The following SVOPL variants were observed in gnomAD, a reference collection of about 807,000 sequenced individuals.
SVOPL encodes the protein putative transporter SVOPL.
Under a neutral mutation model 61.0 loss-of-function variants are expected in SVOPL, and 60 were observed. That is an observed-to-expected ratio of 0.98 (90% CI 0.80 to 1.22). SVOPL has a LOEUF of 1.22. Ranked by LOEUF, SVOPL falls within the 50% of genes most tolerant of loss-of-function variation. The pLI is 0.00. For synonymous variants in SVOPL, 279 were observed against 250.0 expected (o/e 1.12, Z -1.09); for missense variants, 662 against 643.9 (o/e 1.03, Z -0.30).
chr7:138,649,080 T>C lies in SVOPL; in HGVS notation c.592A>G (p.Thr198Ala). The C allele has an allele frequency of 6.2e-7, 1 of 1,612,908 alleles. No individual in the cohort carries two copies. Among genetic ancestry groups the C allele is most frequent in the South Asian group, 1.1e-5 (1 of 91,008 alleles). Residue 198 changes from threonine (T) to alanine (A), a missense_variant, in exon 8 of 16, where the codon ACC (threonine) becomes GCC (alanine). Physicochemically the swap from Thr to Ala is moderately conservative, Grantham distance 58 (BLOSUM62 0). Transcript: ENST00000674285. ...IIGLASVIIP[T>A]IGWRWLIRVA... ...CGAATGAGCCAGCGCCACCCGATGG[T>C]GGGGATGATCACAGAGGCCAAGCCA...
intron 13 of SVOPL, 22 bp downstream of exon 13, chr7:138,625,947 C>A (rs377370896): frequency 7.6e-5 from 123 of 1,613,444 alleles, no homozygotes; most frequent in Non-Finnish European, 9.7e-5. Context: ...CCTTTGTAAG[C>A]AAGCCTTGCA....
intron 1 of SVOPL, among the ~76,000 whole-genome samples, chr7:138,683,666 G>A (rs985017237): frequency 6.6e-6 from 1 of 152,132 alleles, no homozygotes; most frequent in African/African-American, 2.4e-5. Context: ...ACTGTGCCTG[G>A]CAGTTGTGAG....
rs186629873 is a variant in SVOPL, at chr7:138,599,625, T to C, written c.1354-3095A>G. Among the ~76,000 whole-genome samples, 473 of 152,248 alleles carry C rather than the reference T, an allele frequency of 3.1e-3. 2 individuals are homozygous for C. The highest frequency in any genetic ancestry group is 0.01 in the African/African-American group (421 of 41,538). On this transcript the variant is annotated intron_variant, in intron 14 of 15. Transcript: ENST00000674285. ...TCAATTTGCCAGGCGTGGTGGCTCA[T>C]GCCTGTAATCCCAGCACTTTGGGAG...
rs114714868 is a variant in SVOPL at position 138,629,524 on chromosome 7, G to C, written c.863+525C>G. 5.8e-3 allele frequency among the ~76,000 whole-genome samples: 884 copies of C among 152,248 alleles called. 11 individuals carry two copies. The highest frequency in any genetic ancestry group is 0.02 in the African/African-American group (834 of 41,526). ...CTCAAAGTGCTGGGATTATAGGCGT[G>C]AGCCACCGTACCCGGCCTTCTTCAT... On this transcript the variant is annotated intron_variant, in intron 10 of 15. Transcript: ENST00000674285.
chr7:138,632,309 C>T (rs767834593), intron 9 of SVOPL, among the ~76,000 whole-genome samples: 41 of 152,320 alleles, frequency 2.7e-4, no homozygotes, highest in Non-Finnish European at 5.1e-4. Context: ...TGGCACGCAC[C>T]TGTAATCCCA....
At chr7:138,663,648 A>C in intron 4 of SVOPL, 5 of 963,136 alleles carry the variant, frequency 5.2e-6, no homozygotes, top group Non-Finnish European at 6.2e-6. Context: ...TCGTTCTCAC[A>C]ATGGCCTGTC....
chr7:138,602,215 GA>G (rs766501660), intron 14 of SVOPL, among the ~76,000 whole-genome samples: 1 of 151,490 alleles, frequency 6.6e-6, no homozygotes, highest in East Asian at 1.9e-4. Flanking sequence ...CCCATCTCTT[GA>G]AAAAAAATAC....
chr7:138,662,862 C>T (rs376548429), intron 5 of SVOPL: 12 of 1,417,796 alleles, frequency 8.5e-6, no homozygotes, highest in Non-Finnish European at 9.2e-6. Context: ...TTACTCCACA[C>T]CTGGACTGCA....
intron 9 of SVOPL, among the ~76,000 whole-genome samples, chr7:138,635,904 A>T (rs1382335577): frequency 6.6e-6 from 1 of 152,210 alleles, no homozygotes; most frequent in East Asian, 1.9e-4. Flanking sequence ...CACACAACAT[A>T]GAAAATAAAA....
chr7:138,608,695 C>A (rs1342824155), intron 14 of SVOPL, among the ~76,000 whole-genome samples: 1 of 152,052 alleles, frequency 6.6e-6, no homozygotes, highest in Non-Finnish European at 1.5e-5. Context: ...TACACTCCCC[C>A]CCCTTGCCCT....
intron 4 of SVOPL, chr7:138,664,296 T>A: frequency 1.1e-6 from 1 of 947,396 alleles, no homozygotes; most frequent in Non-Finnish European, 1.3e-6. Context: ...GGCACGCGCC[T>A]AACCCTCCAG....
chr7:138,610,203 ATC>A (rs1357008280), intron 14 of SVOPL, among the ~76,000 whole-genome samples: 1 of 152,194 alleles, frequency 6.6e-6, no homozygotes, highest in African/African-American at 2.4e-5. Flanking sequence ...CGAACAAAAG[ATC>A]TTTTTCTTCC....
At chr7:138,595,423 A>G (rs1421318889) in intron 15 of SVOPL, among the ~76,000 whole-genome samples, 2 of 152,222 alleles carry the variant, frequency 1.3e-5, no homozygotes, top group Non-Finnish European at 2.9e-5. Flanking sequence ...TTAAAAGGCT[A>G]TAAACAATCA....
At chr7:138,617,254 G>A (rs62485304) in intron 14 of SVOPL, among the ~76,000 whole-genome samples, 162 of 152,276 alleles carry the variant, frequency 1.1e-3, no homozygotes, top group Non-Finnish European at 1.7e-3. Context: ...ACAGGTGTGA[G>A]TTACTGTGCC....
intron 14 of SVOPL, chr7:138,597,328 G>A (rs1798322107): frequency 2.2e-6 from 2 of 917,908 alleles, no homozygotes; most frequent in South Asian, 3.2e-5. Flanking sequence ...TCCCTTTACA[G>A]ATGAGCCTAG....
intron 5 of SVOPL, chr7:138,661,673 CTTATT>C: frequency 1.1e-6 from 1 of 921,496 alleles, no homozygotes; most frequent in Non-Finnish European, 1.3e-6. Context: ...GATAGCATAC[CTTATT>C]TTAACGAACC....
chr7:138,644,019 T>C (rs1029950748), intron 9 of SVOPL, among the ~76,000 whole-genome samples: 3 of 151,832 alleles, frequency 2.0e-5, no homozygotes, highest in African/African-American at 7.3e-5. Flanking sequence ...CTGGCCAACA[T>C]GGTGAAACCC....
intron 5 of SVOPL, chr7:138,660,892 G>C (rs1801971976): frequency 2.0e-6 from 2 of 985,152 alleles, no homozygotes; most frequent in Admixed American, 1.2e-4. Context: ...CATTTCAACG[G>C]TGCAGGACTC....
At chr7:138,633,708 AAAGTGAG>A (rs1800328034) in intron 9 of SVOPL, among the ~76,000 whole-genome samples, 3 of 145,812 alleles carry the variant, frequency 2.1e-5, no homozygotes, top group African/African-American at 8.5e-5. Context: ...TCCACAGAAG[AAAGTGAG>A]AATACCTTAC....
Sources: allele counts gnomAD v4.1 joint callset (sites outside exome capture counted in the v4.1 genomes callset), GRCh38; gene constraint gnomAD v4.1.1; transcripts MANE v1.5; gene names NCBI Gene and HGNC (gene_info 2026-07-23, HGNC 2026-07-21).